NOCT: variants seen among roughly 807,000 people sequenced by gnomAD.
NOCT encodes the protein nocturnin, also known as CCR4 carbon catabolite repression 4-like.
A neutral mutation model predicts 35.0 loss-of-function variants in NOCT; 18 were observed. The observed-to-expected ratio is 0.51, with a 90% CI of 0.36 to 0.76. The LOEUF is 0.76. Among genes scored for constraint, NOCT ranks in the 30% least tolerant of loss-of-function variants. The pLI is 0.01. For missense variants in NOCT, 479 were observed against 541.0 expected, an observed-to-expected ratio of 0.89 and a Z score of 1.14; for synonymous variants, 235 against 226.3, an observed-to-expected ratio of 1.04 and a Z score of -0.34.
At chr4:139,040,704 G>A (rs751552899) in intron 1 of NOCT, among the ~76,000 whole-genome samples, 3 of 152,148 alleles carry the variant, frequency 2.0e-5, no homozygotes, top group Non-Finnish European at 2.9e-5. Flanking sequence ...AGCCTGACAG[G>A]TGTCAAACGT....
intron 2 of NOCT, 178 bp downstream of exon 2, chr4:139,043,521 T>C (rs1578634643): frequency 1.1e-5 from 2 of 176,192 alleles, no homozygotes; most frequent in South Asian, 1.4e-4. Context: ...TGGTTTTCAC[T>C]TTTTTTTTTT....
At chr4:139,026,799 G>A (rs1312315439) in intron 1 of NOCT, among the ~76,000 whole-genome samples, 1 of 151,230 alleles carries the variant, frequency 6.6e-6, no homozygotes. Context: ...TGATCTGCTC[G>A]CCTCAGCCTC....
At chr4:139,041,588 T>A (rs2148647356) in intron 1 of NOCT, among the ~76,000 whole-genome samples, 1 of 152,336 alleles carries the variant, frequency 6.6e-6, no homozygotes. Context: ...AAGATTATGC[T>A]CTGTTCTCCT....
At chr4:139,016,500 A>AT (rs1291091659) in intron 1 of NOCT, among the ~76,000 whole-genome samples, 3 of 151,682 alleles carry the variant, frequency 2.0e-5, no homozygotes, top group African/African-American at 7.3e-5. Context: ...TGTTGGTTAC[A>AT]TTTTTTATTG....
rs1234174123 is a variant in NOCT, at chr4:139,043,245, G to T, written c.362G>T (p.Arg121Leu). Reference protein sequence around the residue: ...LEECRAVLHTRPPRFQRDFVD... With the variant: ...LEECRAVLHTLPPRFQRDFVD... ...GAATGCAGGGCCGTCCTGCACACCC[G>T]ACCTCCCCGGTTCCAGAGGGATTTT... The change falls in exon 2 of 3, where the codon CGA becomes CTA. Residue 121 changes from arginine to leucine, a missense_variant. By Grantham distance (102) the Arg-to-Leu change is moderately radical (BLOSUM62 -2). Coordinates refer to ENST00000280614, the MANE Select transcript of NOCT (RefSeq NM_012118.4). 1 of 1,614,100 alleles carries T rather than the reference G, an allele frequency of 6.2e-7. No homozygotes were observed. The highest frequency in any genetic ancestry group is 8.5e-7 in the Non-Finnish European group (1 of 1,179,994).
intron 1 of NOCT, among the ~76,000 whole-genome samples, chr4:139,029,486 C>G (rs980373944): frequency 5.3e-5 from 8 of 152,210 alleles, no homozygotes; most frequent in African/African-American, 1.2e-4. Context: ...GCTCAGTACT[C>G]GAGGCAGGCC....
chr4:139,043,235 C>T lies in NOCT; in HGVS notation c.352C>T (p.Leu118=). 1 of 1,614,196 alleles carries T rather than the reference C, an allele frequency of 6.2e-7. No individual in the cohort carries two copies. The highest frequency in any genetic ancestry group is 1.1e-5 in the South Asian group (1 of 91,090). ...KELLEECRAV[L]HTRPPRFQRD... The stretch of plus-strand genomic sequence containing the variant: ...GCTTCTTGAGGAATGCAGGGCCGTC[C>T]TGCACACCCGACCTCCCCGGTTCCA... The change falls in exon 2 of 3, where the codon CTG becomes TTG. Residue 118 remains leucine, a synonymous_variant. Coordinates refer to ENST00000280614, the MANE Select transcript of NOCT (RefSeq NM_012118.4).
chr4:139,016,295 G>A lies in NOCT; in HGVS notation c.190+124G>A, dbSNP rs553101749. On this transcript the variant is annotated intron_variant, in intron 1 of 2. Transcript: ENST00000280614. ...GGTCGTGGAGTCTGGCCTGAAAGTG[G>A]GTCCTTTACCGGAGCAACCTTCTGC... is the stretch of plus-strand genomic sequence containing the variant. 9.0e-6 allele frequency: 5 copies of A among 555,184 alleles called. No individual in the cohort carries two copies. In the African/African-American group the frequency reaches 9.9e-5, roughly 11 times the overall value. 34.4% of individuals were successfully genotyped at this position (555,184 alleles called of 1,614,324 possible). A position where few individuals can be genotyped will look rare whatever the true frequency, so the allele number is the denominator to read the frequency against.
At chr4:139,041,411 G>A (rs1407635725) in intron 1 of NOCT, among the ~76,000 whole-genome samples, 1 of 152,146 alleles carries the variant, frequency 6.6e-6, no homozygotes, top group Non-Finnish European at 1.5e-5. Context: ...TCAAGAGAGG[G>A]AAATCCAGAT....
rs561885304 is a variant in NOCT at position 139,016,001 on chromosome 4, G to T, written c.20G>T (p.Arg7Leu). The T allele has an allele frequency of 9.2e-5, 128 of 1,387,130 alleles. 2 individuals are homozygous for T. In the African/African-American group the frequency reaches 1.9e-3, roughly 20 times the overall value. 85.9% of individuals were successfully genotyped at this position (1,387,130 alleles called of 1,614,324 possible). A position where few individuals can be genotyped will look rare whatever the true frequency, so the allele number is the denominator to read the frequency against. ...CCCGGCATGTTTCATAGTCCGCGGC[G>T]GCTCTGCTCGGCCCTGCTGCAGAGG... MFHSPR[R>L]LCSALLQRDA... The change falls in exon 1 of 3, where the codon CGG (arginine) becomes CTG (leucine). Residue 7 changes from arginine (R) to leucine (L), a missense_variant. Around this residue, in one of 2 missense-constraint regions of NOCT, gnomAD observed 265 missense variants for 257.0 expected, o/e 1.03. Transcript: ENST00000280614.
At chr4:139,043,709 AG>A (rs994046600) in intron 2 of NOCT, 1 of 165,954 alleles carries the variant, frequency 6.0e-6, no homozygotes, top group Admixed American at 6.0e-5. Context: ...TGTGGTCAGG[AG>A]TTCGAGACCA....
intron 1 of NOCT, among the ~76,000 whole-genome samples, chr4:139,024,069 A>C (rs1726471532): frequency 9.0e-6 from 1 of 111,414 alleles, no homozygotes; most frequent in Non-Finnish European, 1.9e-5. Context: ...TTTTTTTTAA[A>C]TTATTTTAGA....
At position 139,044,956 on chromosome 4, in the gene NOCT, T is replaced by C. The variant is rs140314273; in HGVS notation, c.778T>C (p.Leu260=). 80 of 1,614,170 alleles carry C rather than the reference T, an allele frequency of 5.0e-5. No homozygotes were observed. In the East Asian group the frequency reaches 1.3e-3, roughly 26 times the overall value. The change falls in exon 3 of 3, where the codon TTG becomes CTG. Residue 260 remains leucine (L), a synonymous_variant. Transcript: ENST00000280614. The stretch of plus-strand genomic sequence containing the variant: ...CAATATTAGGCTGACAGCCATGACA[T>C]TGAAAACCAACCAGGTGGCCATTGC... ...SANIRLTAMT[L]KTNQVAIAQT... is the part of the protein sequence containing the mutation.
intron 1 of NOCT, among the ~76,000 whole-genome samples, chr4:139,031,567 A>G (rs1726625526): frequency 6.6e-6 from 1 of 152,068 alleles, no homozygotes; most frequent in Non-Finnish European, 1.5e-5. Context: ...AAGGTGTTTC[A>G]TTGCAGCCCG....
intron 2 of NOCT, chr4:139,043,582 T>C (rs1726878183): frequency 2.2e-6 from 1 of 462,210 alleles, no homozygotes; most frequent in African/African-American, 2.0e-5. Context: ...TCTACAAACA[T>C]GGAAGGTGTA....
Position 139,025,318 on chromosome 4 carries a change from T to G in NOCT, c.190+9147T>G, listed in dbSNP as rs149051847. Among the ~76,000 whole-genome samples the G allele has an allele frequency of 6.6e-5, 10 of 152,308 alleles. No homozygotes were observed. In the East Asian group the frequency reaches 1.7e-3, roughly 26 times the overall value. ...CCTCAGCTTCTCCTGCCCTTTCTAT[T>G]TCTTGATTCAGCTTGGAGTTTCTTC... On this transcript the variant is annotated intron_variant, in intron 1 of 2. Coordinates refer to ENST00000280614, the MANE Select transcript of NOCT (RefSeq NM_012118.4).
At chr4:139,021,764 G>GTTTT (rs11421077) in intron 1 of NOCT, among the ~76,000 whole-genome samples, 2 of 143,758 alleles carry the variant, frequency 1.4e-5, no homozygotes, top group South Asian at 2.2e-4. Flanking sequence ...AGTTTTTCTG[G>GTTTT]TTTTTTTTTT....
intron 1 of NOCT, among the ~76,000 whole-genome samples, chr4:139,025,803 CAA>C (rs113895475): frequency 2.0e-4 from 26 of 129,066 alleles, no homozygotes; most frequent in Non-Finnish European, 2.6e-4. Flanking sequence ...GACTCCGTCT[CAA>C]AAAAAAAAAA....
At chr4:139,037,342 A>G (rs1428282004) in intron 1 of NOCT, among the ~76,000 whole-genome samples, 1 of 152,260 alleles carries the variant, frequency 6.6e-6, no homozygotes, top group African/African-American at 2.4e-5. Flanking sequence ...TATTCCATAC[A>G]TGAGTAGTGT....
Sources: allele counts gnomAD v4.1 joint callset (sites outside exome capture counted in the v4.1 genomes callset), GRCh38; gene constraint gnomAD v4.1.1; regional missense constraint gnomAD v4.1.1; transcripts MANE v1.5; gene names NCBI Gene and HGNC (gene_info 2026-07-23, HGNC 2026-07-21).